Variants in LCLAT1 observed in about 807,000 individuals in gnomAD.
LCLAT1 encodes the protein lysocardiolipin acyltransferase 1.
A neutral mutation model predicts 30.7 loss-of-function variants in LCLAT1; 11 were observed. The ratio of observed to expected loss-of-function variants is 0.36; its 90% CI spans 0.23 to 0.59. LCLAT1 has a LOEUF of 0.59. Among genes scored for constraint, LCLAT1 ranks in the 20% least tolerant of loss-of-function variants. The pLI, the probability that LCLAT1 is intolerant of heterozygous loss-of-function variation, is 0.77. For missense variants in LCLAT1, 402 were observed against 458.6 expected, an observed-to-expected ratio of 0.88 and a Z score of 1.13; for synonymous variants, 155 against 151.3, an observed-to-expected ratio of 1.02 and a Z score of -0.18.
intron 1 of LCLAT1, among the ~76,000 whole-genome samples, chr2:30,495,481 G>A (rs1684064501): frequency 6.6e-6 from 1 of 151,652 alleles, no homozygotes; most frequent in South Asian, 2.1e-4. Flanking sequence ...TTCTCTAATT[G>A]CAATATAAAG....
At chr2:30,589,201 A>C (rs1169670450) in intron 5 of LCLAT1, among the ~76,000 whole-genome samples, 1 of 152,210 alleles carries the variant, frequency 6.6e-6, no homozygotes, top group African/African-American at 2.4e-5. Context: ...AAACTTGACA[A>C]AACATTTTTT....
chr2:30,510,195 TCTTA>T lies in LCLAT1; in HGVS notation c.-4-15388_-4-15385del, dbSNP rs1684873230. Among the ~76,000 whole-genome samples the T allele has an allele frequency of 5.9e-5, 9 of 152,298 alleles. No homozygotes were observed. The South Asian group carries it at 1.9e-3, about 32-fold the overall frequency. The stretch of plus-strand genomic sequence containing the variant: ...TCTTGACCTCTCATCTATGATGATC[TCTTA>T]CTTGCTGTATTTCAGATCTCCCTTA... On this transcript the variant is annotated intron_variant, in intron 1 of 5. Transcript: ENST00000379509.
chr2:30,571,857 C>T (rs906455333), intron 5 of LCLAT1, among the ~76,000 whole-genome samples: 6 of 152,110 alleles, frequency 3.9e-5, no homozygotes, highest in Non-Finnish European at 8.8e-5. Context: ...ATTTCCATTT[C>T]CTCAATTTTG....
At chr2:30,459,785 A>G in intron 1 of LCLAT1, 1 of 1,078,246 alleles carries the variant, frequency 9.3e-7, no homozygotes, top group African/African-American at 1.6e-5. Context: ...TCTGAACACA[A>G]AGCTTTTTGA....
At chr2:30,555,722 T>A (rs1339148012) in intron 3 of LCLAT1, among the ~76,000 whole-genome samples, 3 of 152,058 alleles carry the variant, frequency 2.0e-5, no homozygotes, top group African/African-American at 7.2e-5. Context: ...TAAATACATT[T>A]GTCAAAAATG....
intron 5 of LCLAT1, among the ~76,000 whole-genome samples, chr2:30,574,841 G>A (rs17009808): frequency 0.13 from 19,191 of 152,208 alleles, 1,341 homozygotes; most frequent in South Asian, 0.23. Context: ...AAGGGAAATT[G>A]AAGAGCTTAC....
At chr2:30,483,464 A>G (rs1009250562) in intron 1 of LCLAT1, among the ~76,000 whole-genome samples, 10 of 152,232 alleles carry the variant, frequency 6.6e-5, no homozygotes, top group African/African-American at 2.4e-4. Flanking sequence ...ACCTTAGTAG[A>G]TCTCACTGTC....
intron 5 of LCLAT1, among the ~76,000 whole-genome samples, chr2:30,595,908 C>G (rs569083033): frequency 6.6e-6 from 1 of 151,968 alleles, no homozygotes; most frequent in East Asian, 1.9e-4. Context: ...TTTCTGTTCC[C>G]GGGTTAGTTT....
At chr2:30,499,930 T>C (rs914374297) in intron 1 of LCLAT1, among the ~76,000 whole-genome samples, 2 of 152,200 alleles carry the variant, frequency 1.3e-5, no homozygotes, top group Non-Finnish European at 2.9e-5. Context: ...TCTCCATCTG[T>C]TACTTACTTT....
chr2:30,514,166 A>T (rs1226899484), intron 1 of LCLAT1, among the ~76,000 whole-genome samples: 1 of 152,210 alleles, frequency 6.6e-6, no homozygotes, highest in Non-Finnish European at 1.5e-5. Context: ...TGTAAGTACT[A>T]CTGATAAATC....
At chr2:30,637,132 G>A (rs1669073447) in intron 5 of LCLAT1, among the ~76,000 whole-genome samples, 1 of 152,170 alleles carries the variant, frequency 6.6e-6, no homozygotes, top group Non-Finnish European at 1.5e-5. Flanking sequence ...ACCTCCATGT[G>A]AGAGAAAGGA....
chr2:30,532,080 A>G (rs1572580895), intron 2 of LCLAT1, among the ~76,000 whole-genome samples: 1 of 152,156 alleles, frequency 6.6e-6, no homozygotes, highest in East Asian at 1.9e-4. Context: ...CATCTTTAAA[A>G]TATCTTAATC....
chr2:30,521,609 C>T (rs1164205401), intron 1 of LCLAT1, among the ~76,000 whole-genome samples: 11 of 138,888 alleles, frequency 7.9e-5, no homozygotes, highest in East Asian at 2.3e-4. Context: ...CAGGTTCAAG[C>T]GATTCTTCTA....
chr2:30,637,525 C>G (rs577303505), intron 5 of LCLAT1, among the ~76,000 whole-genome samples: 2 of 152,152 alleles, frequency 1.3e-5, no homozygotes, highest in South Asian at 4.1e-4. Flanking sequence ...GTAAATAGAT[C>G]ACCTCTTGAT....
chr2:30,602,063 G>C, intron 5 of LCLAT1, among the ~76,000 whole-genome samples: 1 of 152,058 alleles, frequency 6.6e-6, no homozygotes, highest in African/African-American at 2.4e-5. Context: ...TAGGAGACTT[G>C]GTTGTTTTTC....
At position 30,642,798 on chromosome 2, in the gene LCLAT1, A is replaced by G. The variant is rs1271582158; in HGVS notation, c.*2179A>G. 7 of 131,202 alleles carry G rather than the reference A, an allele frequency of 5.3e-5. No homozygotes were observed. Among genetic ancestry groups the G allele is most frequent in the African/African-American group, 8.8e-5 (3 of 34,102 alleles). 8.1% of individuals were successfully genotyped at this position (131,202 alleles called of 1,614,324 possible). ...ATTCATAAAGTACATTTAGTGCTGTATAGCACTAAAACTTAGAGATACAGA... is the reference window on the plus strand; with the variant it reads ...ATTCATAAAGTACATTTAGTGCTGTGTAGCACTAAAACTTAGAGATACAGA... On this transcript the variant is annotated 3_prime_UTR_variant, in exon 6 of 6. Transcript: ENST00000379509.
chr2:30,633,259 A>G (rs1172588408), intron 5 of LCLAT1, among the ~76,000 whole-genome samples: 1 of 152,226 alleles, frequency 6.6e-6, no homozygotes, highest in Non-Finnish European at 1.5e-5. Flanking sequence ...TTTCAACTCA[A>G]ATGCATCTTA....
At chr2:30,504,895 A>G (rs187862375) in intron 1 of LCLAT1, among the ~76,000 whole-genome samples, 17 of 152,316 alleles carry the variant, frequency 1.1e-4, no homozygotes, top group Admixed American at 9.8e-4. Flanking sequence ...GTAATTATTT[A>G]TATAAACCAT....
At chr2:30,468,579 G>C (rs1172362420) in intron 1 of LCLAT1, among the ~76,000 whole-genome samples, 1 of 151,944 alleles carries the variant, frequency 6.6e-6, no homozygotes, top group Non-Finnish European at 1.5e-5. Flanking sequence ...TTTTAAAGTG[G>C]ACAAATCAGT....
Sources: allele counts gnomAD v4.1 joint callset (sites outside exome capture counted in the v4.1 genomes callset), GRCh38; gene constraint gnomAD v4.1.1; transcripts MANE v1.5; gene names NCBI Gene and HGNC (gene_info 2026-07-23, HGNC 2026-07-21).